MICU2: variants seen among roughly 807,000 people sequenced by gnomAD.
MICU2 encodes calcium uptake protein 2, mitochondrial.
A neutral mutation model predicts 60.4 loss-of-function variants in MICU2; 64 were observed. The observed-to-expected ratio is 1.06, with a 90% CI of 0.87 to 1.31. The LOEUF (loss-of-function observed/expected upper bound fraction) is 1.31. Among genes scored for constraint, MICU2 ranks in the 50% most tolerant of loss-of-function variants. The pLI is 0.00. For synonymous variants in MICU2, 201 were observed against 175.0 expected (o/e 1.15, Z -1.17); for missense variants, 569 against 531.0 (o/e 1.07, Z -0.70).
chr13:21,604,144 G>T lies in MICU2; in HGVS notation c.5C>A (p.Ala2Glu). The change falls in exon 1 of 12, where the codon GCG becomes GAG. Residue 2 changes from alanine (A) to glutamate (E), a missense_variant. By Grantham distance (107) the Ala-to-Glu change is moderately radical (BLOSUM62 -1). Transcript: ENST00000382374. ...CCGCGCGCAGCTACCCGCAGCCGCCGCCATCTTTGCGGAAGCGCAGCTAGG... is the reference window on the plus strand; with the variant it reads ...CCGCGCGCAGCTACCCGCAGCCGCCTCCATCTTTGCGGAAGCGCAGCTAGG... The part of the protein sequence containing the change: M[A>E]AAAGSCARVA... 1 of 1,554,300 alleles carries T rather than the reference G, an allele frequency of 6.4e-7. No individual in the cohort carries two copies. Among genetic ancestry groups the T allele is most frequent in the South Asian group, 1.2e-5 (1 of 84,984 alleles).
intron 1 of MICU2, among the ~76,000 whole-genome samples, chr13:21,569,294 C>T (rs9509797): frequency 0.18 from 27,516 of 152,018 alleles, 3,338 homozygotes; most frequent in Non-Finnish European, 0.28. Context: ...CTTCCTGCTA[C>T]TCTATAGTCT....
At chr13:21,505,663 T>C (rs932905528) in intron 8 of MICU2, among the ~76,000 whole-genome samples, 1 of 152,216 alleles carries the variant, frequency 6.6e-6, no homozygotes, top group Non-Finnish European at 1.5e-5. Flanking sequence ...ATCTACTGTA[T>C]ATGACTGTCC....
intron 4 of MICU2, among the ~76,000 whole-genome samples, chr13:21,524,438 C>T (rs1339457581): frequency 6.6e-6 from 1 of 152,080 alleles, no homozygotes; most frequent in Non-Finnish European, 1.5e-5. Flanking sequence ...ACCTCCCTGC[C>T]AGATAGTTAC....
intron 6 of MICU2, among the ~76,000 whole-genome samples, chr13:21,518,276 G>A (rs1352113820): frequency 6.6e-6 from 1 of 152,196 alleles, no homozygotes; most frequent in Non-Finnish European, 1.5e-5. Flanking sequence ...GGTAAAAGGC[G>A]CATCAGTGTA....
intron 8 of MICU2, 66 bp downstream of exon 8, chr13:21,509,938 T>C: frequency 1.1e-6 from 1 of 884,210 alleles, no homozygotes; most frequent in South Asian, 1.8e-5. Context: ...AAAATGAATA[T>C]ATTCTGTTTC....
Position 21,510,002 on chromosome 13 carries a change from A to G in MICU2, c.761+2T>C. ...TAAATGAATGTAAATATTTGCATTT[A>G]CCTTCGAAATTCTTTATAATGAAGT... On this transcript the variant is annotated splice_donor_variant, in intron 8 of 11. Transcript: ENST00000382374. LOFTEE classifies it high-confidence loss of function. The G allele has an allele frequency of 6.6e-7, 1 of 1,509,038 alleles. No homozygotes were observed. The highest frequency in any genetic ancestry group is 8.9e-7 in the Non-Finnish European group (1 of 1,124,194). The allele number at this position is 1,509,038 out of a possible 1,614,324, so 93.5% of individuals were successfully genotyped here.
intron 6 of MICU2, among the ~76,000 whole-genome samples, chr13:21,520,893 G>C (rs1190840807): frequency 6.6e-6 from 1 of 151,428 alleles, no homozygotes; most frequent in Non-Finnish European, 1.5e-5. Flanking sequence ...TATTCTTTTT[G>C]TATATCTTTA....
intron 1 of MICU2, among the ~76,000 whole-genome samples, chr13:21,575,350 G>A (rs952466249): frequency 6.6e-6 from 1 of 150,958 alleles, no homozygotes; most frequent in African/African-American, 2.4e-5. Context: ...TACCTTCCAA[G>A]AGGTACACCA....
intron 1 of MICU2, among the ~76,000 whole-genome samples, chr13:21,582,358 A>C (rs1888365948): frequency 6.6e-6 from 1 of 152,232 alleles, no homozygotes. Context: ...ATGGTTTTTT[A>C]CAAGTTTCCT....
chr13:21,560,235 G>A (rs1407186823), intron 2 of MICU2, among the ~76,000 whole-genome samples: 3 of 151,936 alleles, frequency 2.0e-5, no homozygotes, highest in Non-Finnish European at 4.4e-5. Flanking sequence ...CTTATTTAAG[G>A]AAGATTTCTT....
intron 1 of MICU2, among the ~76,000 whole-genome samples, chr13:21,574,048 A>C (rs1566165898): frequency 6.6e-6 from 1 of 152,220 alleles, no homozygotes; most frequent in Non-Finnish European, 1.5e-5. Context: ...ATAAATAACC[A>C]ATGGACTGGC....
chr13:21,554,787 TAAA>T (rs1160197838), intron 2 of MICU2, among the ~76,000 whole-genome samples: 1 of 151,464 alleles, frequency 6.6e-6, no homozygotes, highest in African/African-American at 2.4e-5. Context: ...GCAAGACTAA[TAAA>T]GAAGAGAGAA....
At chr13:21,558,623 C>A (rs899814743) in intron 2 of MICU2, among the ~76,000 whole-genome samples, 1 of 152,156 alleles carries the variant, frequency 6.6e-6, no homozygotes, top group Non-Finnish European at 1.5e-5. Flanking sequence ...TGCCCACACC[C>A]TCCACTTCTC....
At chr13:21,557,264 A>T (rs1887730243) in intron 2 of MICU2, among the ~76,000 whole-genome samples, 1 of 152,200 alleles carries the variant, frequency 6.6e-6, no homozygotes. Context: ...GGAAGTGAAT[A>T]AGAATGAAGG....
intron 8 of MICU2, among the ~76,000 whole-genome samples, chr13:21,508,302 T>C (rs969845970): frequency 6.6e-6 from 1 of 152,038 alleles, no homozygotes; most frequent in African/African-American, 2.4e-5. Context: ...ATTTTTTGTA[T>C]TTTTAGTAGA....
chr13:21,514,367 C>A lies in MICU2; in HGVS notation c.649G>T (p.Glu217Ter), dbSNP rs1185978557. 1 of 1,612,340 alleles carries A rather than the reference C, an allele frequency of 6.2e-7. No homozygotes were observed. The highest frequency in any genetic ancestry group is 8.5e-7 in the Non-Finnish European group (1 of 1,179,020). Residue 217 changes from glutamate (E) to a stop codon, truncating the protein, a stop_gained, in exon 7 of 12, where the codon GAA becomes TAA. Coordinates refer to ENST00000382374, the MANE Select transcript of MICU2 (RefSeq NM_152726.3). LOFTEE classifies it high-confidence loss of function. ...TCTGTACATACCTGATATCCAGTTT[C>A]ATTAGTTTTCACTGTCATCAAGTCA... ...QDDLMTVKTN[E>*]TGYQEAIVKE...
chr13:21,527,114 G>T (rs760272918), intron 4 of MICU2, among the ~76,000 whole-genome samples: 2 of 152,038 alleles, frequency 1.3e-5, no homozygotes, highest in Non-Finnish European at 2.9e-5. Flanking sequence ...TTAACAAAAA[G>T]ACTATAGTAC....
rs141411560 is a variant in MICU2 at position 21,568,291 on chromosome 13, C to T, written c.211-1347G>A. On this transcript the variant is annotated intron_variant, in intron 1 of 11. Coordinates refer to ENST00000382374, the MANE Select transcript of MICU2 (RefSeq NM_152726.3). The stretch of plus-strand genomic sequence containing the variant: ...GTATTAATTCTCTCTCTTAATTAGA[C>T]AACAGGCTTCCTTGAGCAGCTAGTT... Among the ~76,000 whole-genome samples, 3 of 152,282 alleles carry T rather than the reference C, an allele frequency of 2.0e-5. No individual in the cohort carries two copies. In the East Asian group the frequency reaches 5.8e-4, roughly 29 times the overall value.
intron 6 of MICU2, among the ~76,000 whole-genome samples, chr13:21,517,799 A>ACACACACACGCACGCG (rs1244489287): frequency 7.3e-6 from 1 of 136,332 alleles, no homozygotes; most frequent in African/African-American, 3.1e-5. Flanking sequence ...ACACACACAC[A>ACACACACACGCACGCG]CGCGCGCGCG....
Sources: allele counts gnomAD v4.1 joint callset (sites outside exome capture counted in the v4.1 genomes callset), GRCh38; gene constraint gnomAD v4.1.1; transcripts MANE v1.5; gene names NCBI Gene and HGNC (gene_info 2026-07-23, HGNC 2026-07-21).